ELL: variants seen among roughly 807,000 people sequenced by gnomAD.
The protein encoded by ELL is elongation factor for RNA polymerase II.
In ELL, 18 loss-of-function variants were observed where a neutral mutation model predicts 64.0. The observed-to-expected ratio is 0.28, with a 90% CI of 0.19 to 0.42. ELL has a LOEUF of 0.42. Among genes scored for constraint, ELL ranks in the 10% least tolerant of loss-of-function variants. The pLI is 1.00. For missense variants in ELL, 797 were observed against 870.4 expected, an observed-to-expected ratio of 0.92 and a Z score of 1.06; for synonymous variants, 399 against 376.2, an observed-to-expected ratio of 1.06 and a Z score of -0.70.
chr19:18,443,182 G>A lies in ELL; in HGVS notation c.*1570C>T. 1 of 232,036 alleles carries A rather than the reference G, an allele frequency of 4.3e-6. No individual in the cohort carries two copies. The highest frequency in any genetic ancestry group is 6.1e-5 in the East Asian group (1 of 16,456). The allele number at this position is 232,036 out of a possible 1,614,324, so 14.4% of individuals were successfully genotyped here. ...TGACTCTGGAGGCCTCCTGGAGCCT[G>A]CTCGGCCCTTCCCCGGCCCGGCCCG... On this transcript the variant is annotated 3_prime_UTR_variant, in exon 12 of 12. Coordinates refer to ENST00000262809, the MANE Select transcript of ELL (RefSeq NM_006532.4).
At chr19:18,476,038 A>T in intron 1 of ELL, 1 of 152,702 alleles carries the variant, frequency 6.5e-6, no homozygotes. Context: ...GGAAGCACCA[A>T]GGCAGAATGG....
intron 4 of ELL, 35 bp downstream of exon 4, chr19:18,465,377 G>A (rs369162907): frequency 1.8e-5 from 28 of 1,551,650 alleles, no homozygotes; most frequent in Middle Eastern, 1.8e-4. Context: ...GCAGCTGCCC[G>A]GCTGCCCTAC....
intron 1 of ELL, among the ~76,000 whole-genome samples, chr19:18,491,886 C>T (rs576910220): frequency 6.6e-6 from 1 of 152,104 alleles, no homozygotes; most frequent in African/African-American, 2.4e-5. Flanking sequence ...GTGTGAGACC[C>T]AGTCTAAAAA....
At chr19:18,451,008 G>A (rs1168929462) in intron 7 of ELL, 33 bp from the exon 8 acceptor site, 1 of 1,492,824 alleles carries the variant, frequency 6.7e-7, no homozygotes, top group Non-Finnish European at 8.9e-7. Context: ...TTAGAGGGGA[G>A]CACAGAGTGG....
At chr19:18,519,808 A>C (rs1261553074) in intron 1 of ELL, among the ~76,000 whole-genome samples, 2 of 118,382 alleles carry the variant, frequency 1.7e-5, no homozygotes, top group Non-Finnish European at 3.3e-5. Context: ...CTCCATCTCA[A>C]AAAAAAAAAA....
At position 18,450,760 on chromosome 19, in the gene ELL, G is replaced by A. The variant is rs772702308; in HGVS notation, c.1182C>T (p.His394=). 1.6e-5 allele frequency: 25 copies of A among 1,580,906 alleles called. No individual in the cohort carries two copies. The African/African-American group carries it at 2.0e-4, about 13-fold the overall frequency. Residue 394 remains histidine, a synonymous_variant, in exon 8 of 12, where the codon CAC becomes CAT. Transcript: ENST00000262809. ...CATTGCTGACATCGGCCAGGGGGTC[G>A]TGGGCCCTCGGGGGCTCCAGCCGCG... ...LPPRLEPPRA[H]DPLADVSNDL...
In ELL at chr19:18,505,213, C is replaced by A. The variant is rs2144969058; in HGVS notation, c.135+16708G>T. Among the ~76,000 whole-genome samples the A allele has an allele frequency of 1.3e-5, 2 of 152,356 alleles. 1 individual carries two copies. Among genetic ancestry groups the A allele is most frequent in the Non-Finnish European group, 2.9e-5 (2 of 68,026 alleles). ...CCCATCCTCTCCTCCCCTCCCCTCT[C>A]CTCTGTGGTGTGCTTTCTTCTGCAT... On this transcript the variant is annotated intron_variant, in intron 1 of 11. Coordinates refer to ENST00000262809, the MANE Select transcript of ELL (RefSeq NM_006532.4).
At chr19:18,509,593 G>GCGCGCGCGCGCGCACACACACACA (rs1438642062) in intron 1 of ELL, among the ~76,000 whole-genome samples, 5 of 83,240 alleles carry the variant, frequency 6.0e-5, no homozygotes, top group Non-Finnish European at 2.9e-5. Context: ...GCGCGCGCGC[G>GCGCGCGCGCGCGCACACACACACA]CACATACACA....
intron 1 of ELL, among the ~76,000 whole-genome samples, chr19:18,516,843 G>C (rs1261728393): frequency 6.6e-6 from 1 of 152,166 alleles, no homozygotes; most frequent in African/African-American, 2.4e-5. Flanking sequence ...GCTGACCCCA[G>C]TTCTGAGAAG....
At chr19:18,498,506 A>G (rs1975709920) in intron 1 of ELL, among the ~76,000 whole-genome samples, 1 of 152,166 alleles carries the variant, frequency 6.6e-6, no homozygotes, top group Non-Finnish European at 1.5e-5. Context: ...AAACTCCTGG[A>G]TTTCTATGAT....
intron 1 of ELL, among the ~76,000 whole-genome samples, chr19:18,503,376 A>G (rs1324675758): frequency 6.6e-6 from 1 of 152,234 alleles, no homozygotes; most frequent in Admixed American, 6.5e-5. Flanking sequence ...AAGCAGACCC[A>G]TAGGAGCGAG....
chr19:18,499,933 T>C (rs1975745855), intron 1 of ELL, among the ~76,000 whole-genome samples: 2 of 152,118 alleles, frequency 1.3e-5, no homozygotes, highest in Non-Finnish European at 2.9e-5. Flanking sequence ...CCAAATAATA[T>C]TTAGCAAGGT....
chr19:18,519,821 A>AAAAAG (rs1555740726), intron 1 of ELL, among the ~76,000 whole-genome samples: 6 of 139,260 alleles, frequency 4.3e-5, no homozygotes, highest in African/African-American at 1.7e-4. Context: ...AAAAAAAAAA[A>AAAAAG]AAAGAAAGAA....
chr19:18,502,180 G>A (rs188160295), intron 1 of ELL, among the ~76,000 whole-genome samples: 272 of 152,242 alleles, frequency 1.8e-3, no homozygotes, highest in Non-Finnish European at 3.0e-3. Flanking sequence ...TACCACCACA[G>A]CCAGATAGCC....
intron 1 of ELL, among the ~76,000 whole-genome samples, chr19:18,506,994 C>A (rs1016461125): frequency 1.3e-5 from 2 of 152,130 alleles, no homozygotes; most frequent in Non-Finnish European, 1.5e-5. Context: ...TGGCTCCAGG[C>A]ACATGGCCCT....
At chr19:18,469,975 C>T (rs909397097) in intron 2 of ELL, among the ~76,000 whole-genome samples, 2 of 152,234 alleles carry the variant, frequency 1.3e-5, no homozygotes, top group African/African-American at 2.4e-5. Context: ...GGCAGGCTGC[C>T]GGCAGCATGG....
chr19:18,456,328 G>A (rs1289547797), intron 6 of ELL, among the ~76,000 whole-genome samples: 1 of 152,240 alleles, frequency 6.6e-6, no homozygotes, highest in African/African-American at 2.4e-5. Context: ...ACAGGGTTGG[G>A]GTGGGAAGCC....
At position 18,486,556 on chromosome 19, in the gene ELL, G is replaced by A. The variant is rs370074464; in HGVS notation, c.136-13674C>T. On this transcript the variant is annotated intron_variant, in intron 1 of 11. Coordinates refer to ENST00000262809, the MANE Select transcript of ELL (RefSeq NM_006532.4). ...CCCTGAGGCCCTCAGAGACCCAGGC[G>A]GTTCTGAGAAGGGAGCCTGTCTCTG... Among the ~76,000 whole-genome samples the A allele has an allele frequency of 9.3e-4, 142 of 152,282 alleles. 4 individuals carry two copies. The South Asian group carries it at 0.027, about 29-fold the overall frequency.
intron 1 of ELL, among the ~76,000 whole-genome samples, chr19:18,489,967 G>A (rs1048286654): frequency 1.3e-5 from 2 of 152,128 alleles, no homozygotes; most frequent in African/African-American, 4.8e-5. Context: ...TATGGAGCTG[G>A]CCCTGACCAC....
Sources: allele counts gnomAD v4.1 joint callset (sites outside exome capture counted in the v4.1 genomes callset), GRCh38; gene constraint gnomAD v4.1.1; transcripts MANE v1.5; gene names NCBI Gene and HGNC (gene_info 2026-07-23, HGNC 2026-07-21).